Variants in SIM1 observed in about 807,000 individuals in gnomAD.
SIM1 encodes single-minded homolog 1.
A neutral mutation model predicts 78.2 loss-of-function variants in SIM1; 18 were observed. The ratio of observed to expected loss-of-function variants is 0.23; its 90% CI spans 0.16 to 0.34. The LOEUF (loss-of-function observed/expected upper bound fraction) is 0.34, where lower values mean the gene tolerates loss of function less well. Among genes scored for constraint, SIM1 ranks in the 10% least tolerant of loss-of-function variants. The pLI is 1.00. For synonymous variants in SIM1, 417 were observed against 385.2 expected (o/e 1.08, Z -0.97); for missense variants, 939 against 975.1 (o/e 0.96, Z 0.49).
intron 10 of SIM1, among the ~76,000 whole-genome samples, chr6:100,419,262 T>C (rs958655586): frequency 4.6e-5 from 7 of 152,224 alleles, no homozygotes; most frequent in Non-Finnish European, 1.0e-4. Flanking sequence ...ATGGAAGTTG[T>C]ACACTGAAAA....
chr6:100,425,904 A>C (rs1771714945), intron 9 of SIM1, among the ~76,000 whole-genome samples: 1 of 152,184 alleles, frequency 6.6e-6, no homozygotes, highest in African/African-American at 2.4e-5. Flanking sequence ...GTGTGGTAAA[A>C]AATTTGACTT....
Position 100,393,726 on chromosome 6 carries a change from G to A in SIM1, c.1331C>T (p.Ser444Phe), listed in dbSNP as rs749255309. The A allele has an allele frequency of 6.2e-7, 1 of 1,614,118 alleles. No individual in the cohort carries two copies. The highest frequency in any genetic ancestry group is 1.1e-5 in the South Asian group (1 of 91,092). Residue 444 changes from serine to phenylalanine, a missense_variant, in exon 11 of 12, where the codon TCT becomes TTT. Physicochemically the swap from Ser to Phe is radical, Grantham distance 155. Transcript: ENST00000369208. Reference protein sequence around the residue: ...CAYRQFSDRSSLCYGFALDHS... With the variant: ...CAYRQFSDRSFLCYGFALDHS... ...GTCAAGCGCAAAGCCATAGCAGAGA[G>A]AGCTGCGGTCCGAAAACTGTCTGTA...
intron 9 of SIM1, among the ~76,000 whole-genome samples, chr6:100,428,404 C>T (rs1024302261): frequency 6.6e-6 from 1 of 151,986 alleles, no homozygotes; most frequent in Admixed American, 6.6e-5. Flanking sequence ...AAGATATGAA[C>T]AATGCACAAA....
At chr6:100,392,956 C>G (rs771757339) in intron 11 of SIM1, among the ~76,000 whole-genome samples, 12 of 152,160 alleles carry the variant, frequency 7.9e-5, no homozygotes, top group Non-Finnish European at 1.8e-4. Flanking sequence ...CCTTCACTCA[C>G]GGGGTCATCA....
In SIM1 at chr6:100,447,303, C is replaced by G. The variant is rs1466897219; in HGVS notation, c.963G>C (p.Arg321Ser). The change falls in exon 9 of 12, where the codon AGG (arginine) becomes AGC (serine). Residue 321 changes from arginine (R) to serine (S), a missense_variant. Arg to Ser is a moderately radical substitution (Grantham distance 110, BLOSUM62 -1). This residue lies in a region of SIM1 where 66 missense variants were observed against 108.4 expected (regional missense o/e 0.61). Transcript: ENST00000369208. ...AGTTGACGCTGACGATACAGTGTGG[C>G]CTGGAGGAGCGACTGTTGTGCACGA... ...ATIVHNSRSSRPHCIVSVNYV... is the reference protein window; with the variant it reads ...ATIVHNSRSSSPHCIVSVNYV... 1 of 1,614,200 alleles carries G rather than the reference C, an allele frequency of 6.2e-7. No homozygotes were observed. The highest frequency in any genetic ancestry group is 1.7e-5 in the Admixed American group (1 of 60,018).
At chr6:100,462,453 T>C (rs956297607) in intron 2 of SIM1, 1 of 152,262 alleles carries the variant, frequency 6.6e-6, no homozygotes, top group Non-Finnish European at 1.5e-5. Context: ...GACAGTGTTC[T>C]ATGAAAGCTG....
chr6:100,425,027 T>C (rs1771689901), intron 9 of SIM1, among the ~76,000 whole-genome samples: 1 of 152,152 alleles, frequency 6.6e-6, no homozygotes, highest in South Asian at 2.1e-4. Context: ...TTCCCACGTG[T>C]TGTGGGAGGG....
intron 10 of SIM1, among the ~76,000 whole-genome samples, chr6:100,400,209 T>C (rs958491586): frequency 2.3e-4 from 35 of 151,660 alleles, no homozygotes; most frequent in African/African-American, 7.5e-4. Flanking sequence ...AAGTAAATTT[T>C]AAAATAATAA....
At chr6:100,412,632 GAAAGAAAAGAAAGAA>G (rs1771246999) in intron 10 of SIM1, among the ~76,000 whole-genome samples, 1 of 87,448 alleles carries the variant, frequency 1.1e-5, no homozygotes, top group African/African-American at 4.1e-5. Context: ...AGGAAAGAAA[GAAAGAAAAGAAAGAA>G]AGAAAGAAAG....
chr6:100,450,413 G>GAC (rs1426778092), intron 3 of SIM1, 57 bp from the exon 4 acceptor site: 29 of 1,481,064 alleles, frequency 2.0e-5, no homozygotes, highest in African/African-American at 2.8e-5. Flanking sequence ...GGAGAAATGG[G>GAC]AGCAGGAGGA....
At chr6:100,412,528 CTCTG>C (rs1219240987) in intron 10 of SIM1, among the ~76,000 whole-genome samples, 13 of 122,448 alleles carry the variant, frequency 1.1e-4, no homozygotes, top group African/African-American at 3.5e-4. Flanking sequence ...CAGAGCAAGA[CTCTG>C]TCTAAGAAAG....
At chr6:100,398,502 G>A (rs139993652) in intron 10 of SIM1, among the ~76,000 whole-genome samples, 33 of 152,132 alleles carry the variant, frequency 2.2e-4, no homozygotes, top group Admixed American at 1.8e-3. Flanking sequence ...ACTATTTTAG[G>A]TACCTCACAT....
chr6:100,445,387 G>T (rs568164246), intron 9 of SIM1, among the ~76,000 whole-genome samples: 1 of 152,192 alleles, frequency 6.6e-6, no homozygotes, highest in East Asian at 1.9e-4. Context: ...TCATTCAGAG[G>T]TATAAAATGT....
chr6:100,416,510 G>C (rs1388100977), intron 10 of SIM1, among the ~76,000 whole-genome samples: 2 of 152,074 alleles, frequency 1.3e-5, no homozygotes, highest in East Asian at 3.9e-4. Context: ...TCTGGAAACT[G>C]CCTCTTGAAA....
At chr6:100,403,253 C>T (rs1770973230) in intron 10 of SIM1, among the ~76,000 whole-genome samples, 1 of 152,188 alleles carries the variant, frequency 6.6e-6, no homozygotes, top group African/African-American at 2.4e-5. Context: ...TGGGCTGAGG[C>T]TGGCAAGCAA....
intron 10 of SIM1, among the ~76,000 whole-genome samples, chr6:100,400,775 A>G (rs1034458557): frequency 6.6e-6 from 1 of 152,170 alleles, no homozygotes; most frequent in Admixed American, 6.5e-5. Context: ...GGAAACATAA[A>G]GGAATCTTCC....
intron 2 of SIM1, among the ~76,000 whole-genome samples, chr6:100,454,464 C>A (rs981183637): frequency 2.6e-5 from 4 of 152,206 alleles, no homozygotes; most frequent in Admixed American, 1.3e-4. Context: ...TCTTCCTATT[C>A]ATTTCCCCTC....
intron 9 of SIM1, among the ~76,000 whole-genome samples, chr6:100,428,398 T>G (rs1382352755): frequency 6.6e-6 from 1 of 152,150 alleles, no homozygotes; most frequent in Non-Finnish European, 1.5e-5. Flanking sequence ...AAGAAAAAGA[T>G]ATGAACAATG....
chr6:100,398,879 C>A (rs2114471413), intron 10 of SIM1, among the ~76,000 whole-genome samples: 1 of 151,936 alleles, frequency 6.6e-6, no homozygotes, highest in Non-Finnish European at 1.5e-5. Flanking sequence ...TTTTACATTC[C>A]CATTAATAGT....
Sources: gnomAD v4.1 joint callset for allele counts (sites outside exome capture counted in the v4.1 genomes callset) on GRCh38, gnomAD v4.1.1 for gene constraint, gnomAD v4.1.1 regional missense constraint, MANE v1.5 for transcripts, NCBI Gene and HGNC (gene_info 2026-07-23, HGNC 2026-07-21) for gene names.